IGF2BP3: variants seen among roughly 807,000 people sequenced by gnomAD.
The protein encoded by IGF2BP3 is insulin like growth factor 2 mRNA binding protein 3.
In IGF2BP3, 9 loss-of-function variants were observed where a neutral mutation model predicts 73.8. That is an observed-to-expected ratio of 0.12 (90% CI 0.07 to 0.21). The LOEUF is 0.21. IGF2BP3 is among the 10% of genes least tolerant of loss of function. The pLI is 1.00. For synonymous variants in IGF2BP3, 258 were observed against 256.7 expected, an observed-to-expected ratio of 1.01 and a Z score of -0.05; for missense variants, 542 against 714.0, an observed-to-expected ratio of 0.76 and a Z score of 2.75.
At position 23,465,972 on chromosome 7, in the gene IGF2BP3, A is replaced by G. The variant is rs963878799; in HGVS notation, c.236+2510T>C. On this transcript the variant is annotated intron_variant, in intron 2 of 14. Coordinates refer to ENST00000258729, the MANE Select transcript of IGF2BP3 (RefSeq NM_006547.3). ...ATATAGGAAACTGCATCACAGCTCC[A>G]AGGGTCAGTTAAAATAACTGTAATA... Among the ~76,000 whole-genome samples, 4 of 152,096 alleles carry G rather than the reference A, an allele frequency of 2.6e-5. No individual in the cohort carries two copies. The East Asian group carries it at 7.7e-4, about 29-fold the overall frequency.
intron 3 of IGF2BP3, chr7:23,415,441 G>T: frequency 5.8e-6 from 1 of 172,610 alleles, no homozygotes; most frequent in Non-Finnish European, 1.2e-5. Context: ...CGGCATCACC[G>T]CATCCGCAGG....
intron 10 of IGF2BP3, among the ~76,000 whole-genome samples, chr7:23,332,874 T>G (rs1784477872): frequency 6.6e-6 from 1 of 152,186 alleles, no homozygotes; most frequent in South Asian, 2.1e-4. Context: ...TTAAAAAAAA[T>G]TAAGGGTGGG....
intron 3 of IGF2BP3, among the ~76,000 whole-genome samples, chr7:23,395,199 A>T (rs1326213171): frequency 6.6e-6 from 1 of 152,176 alleles, no homozygotes; most frequent in Non-Finnish European, 1.5e-5. Flanking sequence ...AAGAAATTAA[A>T]CTTTCCCCAA....
intron 3 of IGF2BP3, among the ~76,000 whole-genome samples, chr7:23,411,368 G>A (rs1448392123): frequency 1.3e-5 from 2 of 152,140 alleles, no homozygotes; most frequent in Non-Finnish European, 2.9e-5. Context: ...GATCACCTGA[G>A]GTCAGTAGTT....
chr7:23,337,611 G>A (rs987041103), intron 10 of IGF2BP3, among the ~76,000 whole-genome samples: 1 of 152,242 alleles, frequency 6.6e-6, no homozygotes, highest in Non-Finnish European at 1.5e-5. Flanking sequence ...ACAGCCAGTG[G>A]TATGTTCTGG....
chr7:23,324,920 C>T (rs1383872811), intron 10 of IGF2BP3, among the ~76,000 whole-genome samples: 2,487 of 141,998 alleles, frequency 0.018, 32 homozygotes, highest in Middle Eastern at 0.032. Context: ...TGGGACGTAT[C>T]TCAAAATAAT....
chr7:23,462,732 A>C (rs1750556288), intron 2 of IGF2BP3, among the ~76,000 whole-genome samples: 2 of 152,190 alleles, frequency 1.3e-5, no homozygotes, highest in South Asian at 4.1e-4. Context: ...AATTCTCTAA[A>C]ATATCTATAG....
Position 23,448,974 on chromosome 7 carries a change from G to A in IGF2BP3, c.236+19508C>T, listed in dbSNP as rs568919690. ...CTCCTGGGCTCAAGCAATCCTCTGG[G>A]CTGCAGTTTCCCAAAGCGCTGGGAT... On this transcript the variant is annotated intron_variant, in intron 2 of 14. Coordinates refer to ENST00000258729, the MANE Select transcript of IGF2BP3 (RefSeq NM_006547.3). Among the ~76,000 whole-genome samples, 3 of 152,190 alleles carry A rather than the reference G, an allele frequency of 2.0e-5. No individual in the cohort carries two copies. The East Asian group carries it at 5.8e-4, about 29-fold the overall frequency.
At chr7:23,426,181 G>A (rs557486280) in intron 2 of IGF2BP3, among the ~76,000 whole-genome samples, 1 of 151,918 alleles carries the variant, frequency 6.6e-6, no homozygotes, top group East Asian at 1.9e-4. Flanking sequence ...ACAAAAATTA[G>A]CCAGGCATGG....
At chr7:23,354,236 A>G (rs1785036308) in intron 5 of IGF2BP3, among the ~76,000 whole-genome samples, 2 of 152,050 alleles carry the variant, frequency 1.3e-5, no homozygotes, top group South Asian at 4.1e-4. Flanking sequence ...CAGGTGATCC[A>G]CCCACCTCGG....
In IGF2BP3 at chr7:23,351,440, C is replaced by T. The variant is rs1303963475; in HGVS notation, c.548G>A (p.Gly183Glu). 6.2e-7 allele frequency: 1 copy of T among 1,613,490 alleles called. No homozygotes were observed. The highest frequency in any genetic ancestry group is 8.5e-7 in the Non-Finnish European group (1 of 1,179,780). ...GLGQRGSSRQGSPGSVSKQKP... is the reference protein window; with the variant it reads ...GLGQRGSSRQESPGSVSKQKP... The stretch of plus-strand genomic sequence containing the variant: ...CTGCTTGGATACGGATCCTGGAGAC[C>T]CCTGCCTTGAGGAGCCCCTCTGCCC... Residue 183 changes from glycine to glutamate, a missense_variant, in exon 6 of 15, where the codon GGG becomes GAG. This residue lies in a region of IGF2BP3 where 239 missense variants were observed against 241.9 expected (regional missense o/e 0.99). Transcript: ENST00000258729.
At chr7:23,349,011 G>A (rs1784897723) in intron 6 of IGF2BP3, among the ~76,000 whole-genome samples, 1 of 152,088 alleles carries the variant, frequency 6.6e-6, no homozygotes, top group Admixed American at 6.5e-5. Flanking sequence ...AGTAGATACA[G>A]GCAACAAATC....
intron 3 of IGF2BP3, among the ~76,000 whole-genome samples, chr7:23,393,489 G>C (rs1786350272): frequency 6.6e-6 from 1 of 152,126 alleles, no homozygotes. Context: ...CAAGTACTAT[G>C]CTCAATTCTG....
intron 13 of IGF2BP3, 117 bp from the exon 14 acceptor site, chr7:23,312,965 G>C (rs1783874257): frequency 4.7e-6 from 3 of 632,032 alleles, no homozygotes; most frequent in Non-Finnish European, 5.6e-6. Flanking sequence ...ATTTAATCCA[G>C]TGGTAATTCC....
intron 10 of IGF2BP3, among the ~76,000 whole-genome samples, chr7:23,330,009 G>A (rs1784402583): frequency 2.0e-5 from 3 of 152,182 alleles, no homozygotes; most frequent in Admixed American, 2.0e-4. Context: ...AGAGCTGCCA[G>A]GCACGGTGGC....
At chr7:23,314,246 G>A (rs1033938031) in intron 12 of IGF2BP3, among the ~76,000 whole-genome samples, 1 of 150,556 alleles carries the variant, frequency 6.6e-6, no homozygotes, top group Admixed American at 6.6e-5. Flanking sequence ...GCAGTGGCAC[G>A]ATCTTGGGTC....
chr7:23,361,838 A>G, intron 3 of IGF2BP3, 97 bp from the exon 4 acceptor site: 1 of 1,013,630 alleles, frequency 9.9e-7, no homozygotes, highest in Middle Eastern at 3.1e-4. Flanking sequence ...ATTGTGATGG[A>G]AAAGAGCCAA....
At chr7:23,392,975 A>G (rs1422994789) in intron 3 of IGF2BP3, among the ~76,000 whole-genome samples, 1 of 152,154 alleles carries the variant, frequency 6.6e-6, no homozygotes, top group African/African-American at 2.4e-5. Context: ...ATAACTCCCA[A>G]TTGCTATAAG....
At chr7:23,401,019 T>G (rs1388884075) in intron 3 of IGF2BP3, among the ~76,000 whole-genome samples, 1 of 152,174 alleles carries the variant, frequency 6.6e-6, no homozygotes, top group African/African-American at 2.4e-5. Context: ...CAGGTTGGTC[T>G]CAAACTCCTG....
Sources: gnomAD v4.1 joint callset for allele counts (sites outside exome capture counted in the v4.1 genomes callset) on GRCh38, gnomAD v4.1.1 for gene constraint, gnomAD v4.1.1 regional missense constraint, MANE v1.5 for transcripts, NCBI Gene and HGNC (gene_info 2026-07-23, HGNC 2026-07-21) for gene names.